NCOA4: variants seen among roughly 807,000 people sequenced by gnomAD.
NCOA4 encodes 70 kDa AR-activator.
NCOA4 carries 31 observed loss-of-function variants against 69.5 expected under a neutral mutation model. That is an observed-to-expected ratio of 0.45 (90% confidence interval 0.34 to 0.60). The LOEUF (loss-of-function observed/expected upper bound fraction) is 0.60. Ranked by LOEUF, NCOA4 falls within the 20% of genes least tolerant of loss-of-function variation. The pLI, the probability that NCOA4 is intolerant of heterozygous loss-of-function variation, is 0.02. For synonymous variants in NCOA4, 228 were observed against 252.4 expected (o/e 0.90, Z 0.92); for missense variants, 600 against 719.2 (o/e 0.83, Z 1.90).
chr10:46,028,891 TAA>T (rs1840300542), intron 1 of NCOA4, among the ~76,000 whole-genome samples: 1 of 152,092 alleles, frequency 6.6e-6, no homozygotes, highest in Non-Finnish European at 1.5e-5. Context: ...CTCTGAATGC[TAA>T]CACTATGTGA....
intron 7 of NCOA4, 47 bp downstream of exon 7, chr10:46,012,836 C>T (rs781843907): frequency 6.3e-7 from 1 of 1,597,760 alleles, no homozygotes; most frequent in Non-Finnish European, 8.5e-7. Context: ...TAACTAACTC[C>T]ACCTACTGCT....
intron 1 of NCOA4, among the ~76,000 whole-genome samples, chr10:46,019,027 A>C (rs1344822577): frequency 6.6e-6 from 1 of 152,210 alleles, no homozygotes; most frequent in Non-Finnish European, 1.5e-5. Context: ...ACACTATCTC[A>C]GCAAAAGACT....
chr10:46,012,049 A>C (rs1278026525), intron 7 of NCOA4, among the ~76,000 whole-genome samples: 1 of 139,670 alleles, frequency 7.2e-6, no homozygotes, highest in Non-Finnish European at 1.5e-5. Context: ...AGACAGAGCA[A>C]GACTCGGTCT....
chr10:46,009,408 C>A lies in NCOA4; in HGVS notation c.1839+3G>T, dbSNP rs781987817. 3 of 1,609,314 alleles carry A rather than the reference C, an allele frequency of 1.9e-6. No homozygotes were observed. The highest frequency in any genetic ancestry group is 4.5e-5 in the East Asian group (2 of 44,848). Reference sequence around the variant, plus strand: ...AATTTTCATGCTGGTGGCATGTACCCACCTGTAGAGGAGTTCGATATAACC... The same window carrying A: ...AATTTTCATGCTGGTGGCATGTACCAACCTGTAGAGGAGTTCGATATAACC... On this transcript the variant is annotated splice_donor_region_variant and intron_variant, in intron 9 of 9. Coordinates refer to ENST00000581486, the MANE Select transcript of NCOA4 (RefSeq NM_001145263.2).
Position 46,006,564 on chromosome 10 carries a change from A to G in NCOA4, c.*28T>C, listed in dbSNP as rs1443189812. 1 of 1,613,320 alleles carries G rather than the reference A, an allele frequency of 6.2e-7. No individual in the cohort carries two copies. The highest frequency in any genetic ancestry group is 1.3e-5 in the African/African-American group (1 of 74,940). On this transcript the variant is annotated 3_prime_UTR_variant, in exon 10 of 10. Transcript: ENST00000581486. ...GCTCATGATGTGTGATAATCAGCAG[A>G]AAGGCTGCTCAACTCTTGTCCATTC... is the stretch of plus-strand genomic sequence containing the variant.
At chr10:46,024,959 TATAGAC>T (rs112936721) in intron 1 of NCOA4, among the ~76,000 whole-genome samples, 3,649 of 152,258 alleles carry the variant, frequency 0.024, 70 homozygotes, top group Non-Finnish European at 0.034. Flanking sequence ...CAGACATAGA[TATAGAC>T]ATAAAGATAT....
In NCOA4 at chr10:46,005,712, T is replaced by C. The variant is rs1590141803; in HGVS notation, c.*880A>G. 4.6e-6 allele frequency: 1 copy of C among 217,320 alleles called. No homozygotes were observed. Among genetic ancestry groups the C allele is most frequent in the Non-Finnish European group, 9.3e-6 (1 of 107,750 alleles). 13.5% of individuals were successfully genotyped at this position (217,320 alleles called of 1,614,324 possible). A position where few individuals can be genotyped will look rare whatever the true frequency, so the allele number is the denominator to read the frequency against. ...TTTATCCCTACTTAAAAGCACCAGG[T>C]GTCAAGCTCAGCTTCCATTTACACA... On this transcript the variant is annotated 3_prime_UTR_variant, in exon 10 of 10. Transcript: ENST00000581486.
intron 2 of NCOA4, among the ~76,000 whole-genome samples, chr10:46,015,859 A>C (rs1839511278): frequency 6.6e-6 from 1 of 152,234 alleles, no homozygotes; most frequent in Admixed American, 6.5e-5. Context: ...ATTTAAGTAA[A>C]ATTATAAACT....
chr10:46,018,397 T>C (rs1258490848), intron 1 of NCOA4, among the ~76,000 whole-genome samples: 1 of 152,226 alleles, frequency 6.6e-6, no homozygotes, highest in African/African-American at 2.4e-5. Context: ...ATTCGCAGTG[T>C]GCTGGGTCTG....
chr10:46,009,355 AC>A, intron 9 of NCOA4, 55 bp downstream of exon 9: 2 of 1,569,340 alleles, frequency 1.3e-6, no homozygotes, highest in East Asian at 4.5e-5. Flanking sequence ...GTAAGACAAA[AC>A]ATTTATTTTA....
chr10:46,016,531 A>G lies in NCOA4; in HGVS notation c.141+9T>C. The G allele has an allele frequency of 1.4e-6, 2 of 1,472,758 alleles. No homozygotes were observed. The highest frequency in any genetic ancestry group is 1.8e-6 in the Non-Finnish European group (2 of 1,097,602). The allele number at this position is 1,472,758 out of a possible 1,614,324, so 91.2% of individuals were successfully genotyped here. A position where few individuals can be genotyped will look rare whatever the true frequency, so the allele number is the denominator to read the frequency against. ...TCCAGACAACAGAAGAGAAAAGCAC[A>G]TGTCACACCTCTCGCAAGTTATCTT... On this transcript the variant is annotated intron_variant, in intron 2 of 9. Transcript: ENST00000581486.
Position 46,010,695 on chromosome 10 carries a change from G to A in NCOA4, c.1226C>T (p.Pro409Leu), listed in dbSNP as rs372222696. ...KVEEVCRANE[P>L]CTSFAECVCD... ...CACACACTCTGCAAAGCTTGTGCAG[G>A]GCTCATTGGCTCTGCACACCTCCTC... Residue 409 changes from proline to leucine, a missense_variant, in exon 8 of 10, where the codon CCC becomes CTC. Pro to Leu is a moderately conservative substitution (Grantham distance 98, BLOSUM62 -3). Coordinates refer to ENST00000581486, the MANE Select transcript of NCOA4 (RefSeq NM_001145263.2). 19 of 1,613,810 alleles carry A rather than the reference G, an allele frequency of 1.2e-5. No homozygotes were observed. The highest frequency in any genetic ancestry group is 1.5e-5 in the Non-Finnish European group (18 of 1,179,952).
At chr10:46,014,620 A>G in intron 4 of NCOA4, 68 bp from the exon 5 acceptor site, 1 of 1,199,200 alleles carries the variant, frequency 8.3e-7, no homozygotes. Context: ...ATCTAAAACA[A>G]AAGCCAAATT....
At chr10:46,025,018 C>T (rs1840083218) in intron 1 of NCOA4, among the ~76,000 whole-genome samples, 1 of 152,162 alleles carries the variant, frequency 6.6e-6, no homozygotes, top group African/African-American at 2.4e-5. Context: ...GGGGAACTGG[C>T]TCATGTGATT....
intron 9 of NCOA4, among the ~76,000 whole-genome samples, chr10:46,007,459 G>C (rs1838897621): frequency 6.6e-6 from 1 of 151,932 alleles, no homozygotes; most frequent in Non-Finnish European, 1.5e-5. Context: ...TTTCAGTGCA[G>C]ACAAAACAAC....
At chr10:46,025,409 C>T (rs1293104021) in intron 1 of NCOA4, among the ~76,000 whole-genome samples, 1 of 152,172 alleles carries the variant, frequency 6.6e-6, no homozygotes, top group Non-Finnish European at 1.5e-5. Context: ...AACAGACACA[C>T]CCCAAAATAA....
At chr10:46,030,373 G>A (rs575251539) in intron 1 of NCOA4, among the ~76,000 whole-genome samples, 153 bp downstream of exon 1, 2 of 151,698 alleles carry the variant, frequency 1.3e-5, no homozygotes, top group Admixed American at 6.6e-5. Flanking sequence ...CGGGCAGGCA[G>A]GAAGAGGTGC....
intron 2 of NCOA4, among the ~76,000 whole-genome samples, chr10:46,015,632 T>C (rs111520573): frequency 2.0e-5 from 3 of 152,248 alleles, no homozygotes; most frequent in African/African-American, 7.2e-5. Flanking sequence ...AATACAAGAA[T>C]GTACCAGGAA....
In NCOA4 at chr10:46,014,374, A is replaced by G; in HGVS notation, c.480+70T>C. On this transcript the variant is annotated intron_variant, in intron 5 of 9. Transcript: ENST00000581486. ...CTCAAGAAAGTCACTATTCATAGCA[A>G]TTTTTTTTAAGACCAGCTGTGAGGC... 1.7e-6 allele frequency: 2 copies of G among 1,150,564 alleles called. 1 individual carries two copies. The highest frequency in any genetic ancestry group is 2.7e-5 in the South Asian group (2 of 74,094). 71.3% of individuals were successfully genotyped at this position (1,150,564 alleles called of 1,614,324 possible). A position where few individuals can be genotyped will look rare whatever the true frequency, so the allele number is the denominator to read the frequency against.
Sources: allele counts gnomAD v4.1 joint callset (sites outside exome capture counted in the v4.1 genomes callset), GRCh38; gene constraint gnomAD v4.1.1; transcripts MANE v1.5; gene names NCBI Gene and HGNC (gene_info 2026-07-23, HGNC 2026-07-21).